SLAIN2: variants seen among roughly 807,000 people sequenced by gnomAD.
The protein encoded by SLAIN2 is SLAIN family member 2, also known as SLAIN motif-containing protein 2.
A neutral mutation model predicts 56.6 loss-of-function variants in SLAIN2; 31 were observed. The observed-to-expected ratio is 0.55, with a 90% CI of 0.41 to 0.74. The LOEUF (loss-of-function observed/expected upper bound fraction) is 0.74, where lower values mean the gene tolerates loss of function less well. Among genes scored for constraint, SLAIN2 ranks in the 30% least tolerant of loss-of-function variants. The pLI is 0.00. For synonymous variants in SLAIN2, 317 were observed against 284.9 expected (o/e 1.11, Z -1.13); for missense variants, 777 against 754.2 (o/e 1.03, Z -0.35).
In SLAIN2 at chr4:48,384,793, A is replaced by T. The variant is rs1326911046; in HGVS notation, c.1360+1009A>T. Among the ~76,000 whole-genome samples, 3 of 152,204 alleles carry T rather than the reference A, an allele frequency of 2.0e-5. No individual in the cohort carries two copies. The East Asian group carries it at 5.8e-4, about 29-fold the overall frequency. On this transcript the variant is annotated intron_variant, in intron 6 of 7. Transcript: ENST00000264313. ...ACAGGCATTTCTACTATAGCACAAA[A>T]TATGCACTCCTTAAAAACCTCACAT...
intron 2 of SLAIN2, among the ~76,000 whole-genome samples, chr4:48,376,182 G>A (rs1396457803): frequency 6.6e-6 from 1 of 152,148 alleles, no homozygotes; most frequent in South Asian, 2.1e-4. Flanking sequence ...GGCTGGGCAC[G>A]GTGACTCACG....
chr4:48,343,135 C>G (rs540319352), intron 1 of SLAIN2, among the ~76,000 whole-genome samples: 3 of 152,186 alleles, frequency 2.0e-5, no homozygotes, highest in Non-Finnish European at 4.4e-5. Context: ...CATTCATAGA[C>G]TCTGGTATTG....
intron 4 of SLAIN2, among the ~76,000 whole-genome samples, chr4:48,380,501 G>T: frequency 6.6e-6 from 1 of 152,156 alleles, no homozygotes; most frequent in East Asian, 1.9e-4. Flanking sequence ...GTGCTTTGCA[G>T]AGTGAATGAT....
intron 1 of SLAIN2, among the ~76,000 whole-genome samples, chr4:48,343,981 T>A (rs544377428): frequency 6.6e-6 from 1 of 152,338 alleles, no homozygotes; most frequent in South Asian, 2.1e-4. Context: ...TAATGAGGAT[T>A]AGCTGCACCC....
At chr4:48,383,292 G>A (rs1453864023) in intron 5 of SLAIN2, among the ~76,000 whole-genome samples, 3 of 151,778 alleles carry the variant, frequency 2.0e-5, no homozygotes, top group Admixed American at 2.0e-4. Flanking sequence ...AATCAAGAGT[G>A]TAGTCAGGTT....
rs559590972 is a variant in SLAIN2, at chr4:48,419,417, T to G, written c.1361-708T>G. Among the ~76,000 whole-genome samples, 9 of 152,290 alleles carry G rather than the reference T, an allele frequency of 5.9e-5. No individual in the cohort carries two copies. In the South Asian group the frequency reaches 1.7e-3, roughly 28 times the overall value. On this transcript the variant is annotated intron_variant, in intron 6 of 7. Coordinates refer to ENST00000264313, the MANE Select transcript of SLAIN2 (RefSeq NM_020846.2). ...CCACGCCTGATCTTCTTTTTTCTTTTTGAAGCAGAGTCTTGCTCTGTCACC... is the reference window on the plus strand; with the variant it reads ...CCACGCCTGATCTTCTTTTTTCTTTGTGAAGCAGAGTCTTGCTCTGTCACC...
Position 48,341,996 on chromosome 4 carries a change from C to G in SLAIN2, c.257C>G (p.Thr86Arg). ...GGGPGSGPRR[T>R]SSEELRDATS... ...GGGCCCGGGTCGGGCCCGAGGCGGA[C>G]GAGTAGCGAAGAGCTGCGGGACGCC... Residue 86 changes from threonine (T) to arginine (R), a missense_variant, in exon 1 of 8, where the codon ACG becomes AGG. By Grantham distance (71) the Thr-to-Arg change is moderately conservative (BLOSUM62 -1). Coordinates refer to ENST00000264313, the MANE Select transcript of SLAIN2 (RefSeq NM_020846.2). 4 of 1,426,646 alleles carry G rather than the reference C, an allele frequency of 2.8e-6. No individual in the cohort carries two copies. Among genetic ancestry groups the G allele is most frequent in the Non-Finnish European group, 3.7e-6 (4 of 1,095,190 alleles). 88.4% of individuals were successfully genotyped at this position (1,426,646 alleles called of 1,614,324 possible).
At chr4:48,371,993 C>CGT (rs1715679900) in intron 2 of SLAIN2, among the ~76,000 whole-genome samples, 2 of 145,210 alleles carry the variant, frequency 1.4e-5, no homozygotes, top group Middle Eastern at 3.3e-3. Context: ...CACACACGCG[C>CGT]GCACACACAC....
At chr4:48,367,659 G>A (rs1715554143) in intron 1 of SLAIN2, among the ~76,000 whole-genome samples, 1 of 151,926 alleles carries the variant, frequency 6.6e-6, no homozygotes, top group Non-Finnish European at 1.5e-5. Flanking sequence ...TGTTTTAGTT[G>A]GTTTTGAATT....
At chr4:48,395,607 G>A (rs75764021) in intron 6 of SLAIN2, among the ~76,000 whole-genome samples, 4,519 of 152,132 alleles carry the variant, frequency 0.03, 74 homozygotes, top group Admixed American at 0.046. Flanking sequence ...AAGTCAAATA[G>A]GCAAATAAAA....
intron 1 of SLAIN2, among the ~76,000 whole-genome samples, chr4:48,346,664 A>C (rs1416174429): frequency 6.6e-6 from 1 of 152,204 alleles, no homozygotes; most frequent in African/African-American, 2.4e-5. Context: ...ATCACCACTT[A>C]TCTGAATAGT....
chr4:48,410,704 T>C (rs780053105), intron 6 of SLAIN2, among the ~76,000 whole-genome samples: 4 of 152,208 alleles, frequency 2.6e-5, no homozygotes, highest in Non-Finnish European at 5.9e-5. Context: ...TCTATTCCTT[T>C]TTCAATCCCT....
intron 1 of SLAIN2, among the ~76,000 whole-genome samples, chr4:48,345,745 C>T (rs1457172657): frequency 6.6e-6 from 1 of 151,416 alleles, no homozygotes; most frequent in Non-Finnish European, 1.5e-5. Flanking sequence ...TTTTTATTTA[C>T]ACATTTAATA....
intron 1 of SLAIN2, among the ~76,000 whole-genome samples, chr4:48,347,922 A>G (rs899486807): frequency 6.6e-6 from 1 of 152,216 alleles, no homozygotes; most frequent in African/African-American, 2.4e-5. Context: ...CAGTACATCC[A>G]TGTGGTAGAA....
At position 48,420,251 on chromosome 4, in the gene SLAIN2, A is replaced by C. The variant is rs1159383708; in HGVS notation, c.1487A>C (p.Gln496Pro). 26 of 1,613,930 alleles carry C rather than the reference A, an allele frequency of 1.6e-5. No individual in the cohort carries two copies. The highest frequency in any genetic ancestry group is 2.2e-5 in the Non-Finnish European group (26 of 1,179,882). The change falls in exon 7 of 8, where the codon CAA (glutamine) becomes CCA (proline). Residue 496 changes from glutamine (Q) to proline (P), a missense_variant. Coordinates refer to ENST00000264313, the MANE Select transcript of SLAIN2 (RefSeq NM_020846.2). ...AGCCAAGAAATAACACAGCTCACAC[A>C]AACCACCTCCTCACCTGGGCCTCCT... is the stretch of plus-strand genomic sequence containing the variant. ...PGSQEITQLTQTTSSPGPPMV... is the reference protein window; with the variant it reads ...PGSQEITQLTPTTSSPGPPMV...
intron 1 of SLAIN2, among the ~76,000 whole-genome samples, chr4:48,362,080 G>GC (rs1715340599): frequency 6.6e-6 from 1 of 150,756 alleles, no homozygotes; most frequent in Admixed American, 6.6e-5. Context: ...TTTTCTATAT[G>GC]CAGGATCATG....
At chr4:48,408,249 G>A (rs1418989479) in intron 6 of SLAIN2, among the ~76,000 whole-genome samples, 1 of 151,942 alleles carries the variant, frequency 6.6e-6, no homozygotes, top group East Asian at 1.9e-4. Context: ...AGGATTGCTT[G>A]AGTTTCAAGA....
At chr4:48,407,411 A>G (rs1290931867) in intron 6 of SLAIN2, among the ~76,000 whole-genome samples, 3 of 152,180 alleles carry the variant, frequency 2.0e-5, no homozygotes, top group South Asian at 2.1e-4. Flanking sequence ...GAAATAATAG[A>G]TAATTTCATC....
chr4:48,354,621 C>T (rs1202712212), intron 1 of SLAIN2, among the ~76,000 whole-genome samples: 3 of 151,912 alleles, frequency 2.0e-5, no homozygotes, highest in Non-Finnish European at 4.4e-5. Context: ...CACCCACCAC[C>T]ACATTCAGCT....
Sources: allele counts gnomAD v4.1 joint callset (sites outside exome capture counted in the v4.1 genomes callset), GRCh38; gene constraint gnomAD v4.1.1; transcripts MANE v1.5; gene names NCBI Gene and HGNC (gene_info 2026-07-23, HGNC 2026-07-21).